The following CCDC47 variants were observed in gnomAD, a reference collection of about 807,000 sequenced individuals.
CCDC47 encodes coiled-coil domain containing 47.
In CCDC47, 41 loss-of-function variants were observed where a neutral mutation model predicts 60.5. The observed-to-expected ratio is 0.68, with a 90% CI of 0.53 to 0.88. The LOEUF (loss-of-function observed/expected upper bound fraction) is 0.88, where lower values mean the gene tolerates loss of function less well. Ranked by LOEUF, CCDC47 falls within the 40% of genes least tolerant of loss-of-function variation. CCDC47 has a pLI of 0.00. For synonymous variants in CCDC47, 195 were observed against 190.7 expected (o/e 1.02, Z -0.18); for missense variants, 513 against 580.9 (o/e 0.88, Z 1.20).
intron 1 of CCDC47, among the ~76,000 whole-genome samples, chr17:63,767,283 T>A (rs770722448): frequency 6.6e-6 from 1 of 152,226 alleles, no homozygotes. Context: ...TTGTTCTTAG[T>A]GTGTATGATG....
intron 6 of CCDC47, among the ~76,000 whole-genome samples, chr17:63,757,811 C>T (rs1406245176): frequency 6.6e-6 from 1 of 152,176 alleles, no homozygotes; most frequent in Non-Finnish European, 1.5e-5. Flanking sequence ...TCTTTTGTTA[C>T]TTATACTGAG....
intron 9 of CCDC47, chr17:63,753,691 G>T (rs1568246947): frequency 4.3e-6 from 4 of 930,944 alleles, no homozygotes; most frequent in South Asian, 5.0e-5. Flanking sequence ...TCTATGCTAG[G>T]AAAGGATACA....
chr17:63,773,006 CTTG>C (rs1322309481), intron 1 of CCDC47: 1 of 152,232 alleles, frequency 6.6e-6, no homozygotes, highest in Non-Finnish European at 1.5e-5. Context: ...GCCATCATTC[CTTG>C]TTGTCATTTT....
intron 1 of CCDC47, among the ~76,000 whole-genome samples, chr17:63,769,571 C>T (rs1045644452): frequency 3.5e-5 from 5 of 144,004 alleles, no homozygotes; most frequent in African/African-American, 1.3e-4. Context: ...CGAGACAGCG[C>T]CATTGCAGTC....
chr17:63,755,219 C>T lies in CCDC47; in HGVS notation c.949-701G>A, dbSNP rs557080211. 50 of 836,472 alleles carry T rather than the reference C, an allele frequency of 6.0e-5. No homozygotes were observed. In the East Asian group the frequency reaches 1.4e-3, roughly 23 times the overall value. 51.8% of individuals were successfully genotyped at this position (836,472 alleles called of 1,614,324 possible). A position where few individuals can be genotyped will look rare whatever the true frequency, so the allele number is the denominator to read the frequency against. ...TGGACTCAAGTGATTCTCCTGCCTC[C>T]GCCACCCAAAGTGTTGAGATTACAA... On this transcript the variant is annotated intron_variant, in intron 8 of 12. Transcript: ENST00000225726.
rs1451490049 is a variant in CCDC47, at chr17:63,764,763, T to C, written c.349A>G (p.Lys117Glu). Residue 117 changes from lysine to glutamate, a missense_variant, in exon 3 of 13, where the codon AAA becomes GAA. Coordinates refer to ENST00000225726, the MANE Select transcript of CCDC47 (RefSeq NM_020198.3). ...DKPDTSSSKNKDPITIVDVPA... is the reference protein window; with the variant it reads ...DKPDTSSSKNEDPITIVDVPA... ...ACATCAACAATCGTTATTGGGTCTT[T>C]ATTTTTGCTAGAAGAAGTATCTGGT... 11 of 1,613,248 alleles carry C rather than the reference T, an allele frequency of 6.8e-6. No individual in the cohort carries two copies. The Admixed American group carries it at 1.8e-4, about 27-fold the overall frequency.
At chr17:63,747,098 A>G (rs1387229548) in intron 12 of CCDC47, 137 bp from the exon 13 acceptor site, 15 of 1,381,914 alleles carry the variant, frequency 1.1e-5, no homozygotes, top group East Asian at 7.7e-5. Context: ...GGCTTGCACC[A>G]TAACATTCTA....
chr17:63,769,993 C>T (rs1371318365), intron 1 of CCDC47, among the ~76,000 whole-genome samples: 1 of 141,658 alleles, frequency 7.1e-6, no homozygotes, highest in African/African-American at 2.6e-5. Context: ...CAGAGTCTCA[C>T]TCTGTAGCCC....
At chr17:63,768,710 A>C (rs2039314287) in intron 1 of CCDC47, among the ~76,000 whole-genome samples, 1 of 152,122 alleles carries the variant, frequency 6.6e-6, no homozygotes, top group Non-Finnish European at 1.5e-5. Flanking sequence ...CACAAATAAC[A>C]AAAGAAAAAC....
At chr17:63,769,927 T>C (rs954862733) in intron 1 of CCDC47, among the ~76,000 whole-genome samples, 1 of 151,552 alleles carries the variant, frequency 6.6e-6, no homozygotes, top group Non-Finnish European at 1.5e-5. Context: ...GCTTGTATGG[T>C]AGAATTCTGG....
intron 12 of CCDC47, chr17:63,747,464 ACAT>A (rs769655639): frequency 3.8e-5 from 37 of 980,308 alleles, no homozygotes; most frequent in African/African-American, 2.8e-4. Flanking sequence ...TCTATTTGAG[ACAT>A]CATATTTATC....
intron 4 of CCDC47, among the ~76,000 whole-genome samples, chr17:63,763,564 G>A (rs911567442): frequency 2.0e-5 from 3 of 152,024 alleles, no homozygotes; most frequent in South Asian, 2.1e-4. Context: ...AGTGGCTCAT[G>A]CCTGTAATCC....
At chr17:63,763,660 C>G (rs2039276778) in intron 4 of CCDC47, among the ~76,000 whole-genome samples, 4 of 148,120 alleles carry the variant, frequency 2.7e-5, no homozygotes, top group Non-Finnish European at 6.1e-5. Flanking sequence ...CCCGACTCTA[C>G]TAAAAATACA....
chr17:63,757,099 AC>A (rs1438889648), intron 6 of CCDC47, among the ~76,000 whole-genome samples: 1 of 150,976 alleles, frequency 6.6e-6, no homozygotes, highest in African/African-American at 2.4e-5. Flanking sequence ...GGTGGCTCAC[AC>A]CTGTAATCCT....
intron 1 of CCDC47, among the ~76,000 whole-genome samples, chr17:63,766,433 T>G (rs2039298779): frequency 6.6e-6 from 1 of 152,010 alleles, no homozygotes; most frequent in South Asian, 2.1e-4. Flanking sequence ...TTTAATTTCT[T>G]TTTTTTTGAG....
Position 63,760,460 on chromosome 17 carries a change from A to G in CCDC47, c.735+454T>C, listed in dbSNP as rs1002438849. ...GAAGATGATGCTCTGTCCAAGGAGA[A>G]AAAGGGTCCATTTTTTGTCAAGGGA... is the stretch of plus-strand genomic sequence containing the variant. On this transcript the variant is annotated intron_variant, in intron 6 of 12. Coordinates refer to ENST00000225726, the MANE Select transcript of CCDC47 (RefSeq NM_020198.3). 7.1e-4 allele frequency among the ~76,000 whole-genome samples: 108 copies of G among 152,248 alleles called. 2 individuals are homozygous for G. The highest frequency in any genetic ancestry group is 2.0e-4 in the Admixed American group (3 of 15,286).
At chr17:63,755,747 T>C (rs2039200673) in intron 8 of CCDC47, among the ~76,000 whole-genome samples, 1 of 152,092 alleles carries the variant, frequency 6.6e-6, no homozygotes, top group African/African-American at 2.4e-5. Flanking sequence ...TGGTGGGCTC[T>C]TGCTGAGGCA....
At chr17:63,753,073 G>T (rs1207130410) in intron 9 of CCDC47, 2 of 429,106 alleles carry the variant, frequency 4.7e-6, no homozygotes, top group African/African-American at 4.3e-5. Context: ...CTCACCTGGG[G>T]AGCCAGAAAT....
chr17:63,747,455 CTATT>C (rs1293197768), intron 12 of CCDC47: 4 of 981,072 alleles, frequency 4.1e-6, no homozygotes, highest in Non-Finnish European at 4.8e-6. Flanking sequence ...TCATAATGCT[CTATT>C]TGAGACATCA....
Sources: allele counts gnomAD v4.1 joint callset (sites outside exome capture counted in the v4.1 genomes callset), GRCh38; gene constraint gnomAD v4.1.1; transcripts MANE v1.5; gene names NCBI Gene and HGNC (gene_info 2026-07-23, HGNC 2026-07-21).